SNX29: variants seen among roughly 807,000 people sequenced by gnomAD.
SNX29 encodes the protein sorting nexin 29.
A neutral mutation model predicts 102.1 loss-of-function variants in SNX29; 78 were observed. The ratio of observed to expected loss-of-function variants is 0.76; its 90% CI spans 0.64 to 0.92. The LOEUF (loss-of-function observed/expected upper bound fraction) is 0.92, where lower values mean the gene tolerates loss of function less well. SNX29 is among the 40% of genes least tolerant of loss of function. SNX29 has a pLI of 0.00. For synonymous variants in SNX29, 580 were observed against 414.5 expected, an observed-to-expected ratio of 1.40 and a Z score of -4.85; for missense variants, 1,280 against 1,061.7, an observed-to-expected ratio of 1.21 and a Z score of -2.86.
chr16:12,471,879 G>T (rs1490283506), intron 18 of SNX29, among the ~76,000 whole-genome samples: 3 of 152,124 alleles, frequency 2.0e-5, no homozygotes, highest in African/African-American at 7.2e-5. Context: ...CCTTTCTCCC[G>T]CCCAAGGTCA....
intron 4 of SNX29, among the ~76,000 whole-genome samples, chr16:12,041,674 A>G (rs1369396035): frequency 2.0e-5 from 3 of 152,014 alleles, no homozygotes; most frequent in Admixed American, 6.6e-5. Flanking sequence ...TGGCCACATC[A>G]TGTCCTCCTC....
chr16:12,112,835 G>A (rs1234087663), intron 11 of SNX29, among the ~76,000 whole-genome samples: 1 of 152,214 alleles, frequency 6.6e-6, no homozygotes, highest in East Asian at 1.9e-4. Context: ...ACAGCTGGAT[G>A]TATAATTGCC....
chr16:12,480,450 C>A (rs1031836971), intron 19 of SNX29, among the ~76,000 whole-genome samples: 3 of 152,200 alleles, frequency 2.0e-5, no homozygotes, highest in African/African-American at 7.2e-5. Context: ...CCCTTAGATT[C>A]CCTGTGATCA....
At chr16:12,052,980 C>T (rs986941528) in intron 8 of SNX29, 2 of 152,470 alleles carry the variant, frequency 1.3e-5, no homozygotes, top group Non-Finnish European at 2.9e-5. Flanking sequence ...CCGTAACTTG[C>T]CTGCACCTGC....
At chr16:12,233,757 C>T (rs1399518485) in intron 14 of SNX29, among the ~76,000 whole-genome samples, 1 of 152,104 alleles carries the variant, frequency 6.6e-6, no homozygotes, top group East Asian at 1.9e-4. Flanking sequence ...TTTTCCTGAG[C>T]AGTCACTCTC....
At chr16:12,562,984 G>A (rs80194485) in intron 20 of SNX29, among the ~76,000 whole-genome samples, 1,539 of 121,630 alleles carry the variant, frequency 0.013, 31 homozygotes, top group African/African-American at 0.046. Context: ...GGGCTGATGC[G>A]TAAGAAAAAC....
chr16:12,280,063 C>T (rs904851903), intron 15 of SNX29, among the ~76,000 whole-genome samples: 2 of 152,098 alleles, frequency 1.3e-5, no homozygotes, highest in Non-Finnish European at 2.9e-5. Flanking sequence ...GTTTGACCCT[C>T]TGATTGATTG....
intron 3 of SNX29, 46 bp from the exon 4 acceptor site, chr16:12,027,274 T>C: frequency 6.2e-7 from 1 of 1,608,860 alleles, no homozygotes; most frequent in Non-Finnish European, 8.5e-7. Context: ...CCCTAGTTGC[T>C]ACTCCCTTTT....
chr16:12,135,988 G>A (rs999946018), intron 13 of SNX29, among the ~76,000 whole-genome samples: 2 of 152,198 alleles, frequency 1.3e-5, no homozygotes, highest in African/African-American at 2.4e-5. Flanking sequence ...ACTTCCCTTC[G>A]TGTATGTCAC....
chr16:12,038,204 C>G (rs961267581), intron 4 of SNX29, among the ~76,000 whole-genome samples: 1 of 152,186 alleles, frequency 6.6e-6, no homozygotes, highest in Non-Finnish European at 1.5e-5. Context: ...GTACTGTTCT[C>G]CCCACTGTAC....
Position 12,241,328 on chromosome 16 carries a change from T to C in SNX29, c.1679-36605T>C, listed in dbSNP as rs374810534. Among the ~76,000 whole-genome samples the C allele has an allele frequency of 5.3e-4, 80 of 152,310 alleles. No homozygotes were observed. The South Asian group carries it at 0.016, about 31-fold the overall frequency. ...CAAGAAGCCCTGAAAATCACTGTTTTACGTTAAAAGGGGGTTTATTGATTG... is the reference window on the plus strand; with the variant it reads ...CAAGAAGCCCTGAAAATCACTGTTTCACGTTAAAAGGGGGTTTATTGATTG... On this transcript the variant is annotated intron_variant, in intron 14 of 20. Coordinates refer to ENST00000566228, the MANE Select transcript of SNX29 (RefSeq NM_032167.5).
At chr16:12,114,524 A>G (rs1472654396) in intron 11 of SNX29, among the ~76,000 whole-genome samples, 1 of 151,634 alleles carries the variant, frequency 6.6e-6, no homozygotes, top group African/African-American at 2.4e-5. Flanking sequence ...TATGGGTTCC[A>G]GTGTCAGATG....
intron 18 of SNX29, among the ~76,000 whole-genome samples, chr16:12,442,265 T>A (rs761144050): frequency 3.3e-5 from 5 of 152,208 alleles, no homozygotes; most frequent in Non-Finnish European, 7.3e-5. Flanking sequence ...CTTGACTCTG[T>A]CCCTTGCATC....
chr16:12,234,360 C>T (rs1221270971), intron 14 of SNX29, among the ~76,000 whole-genome samples: 1 of 152,078 alleles, frequency 6.6e-6, no homozygotes, highest in Non-Finnish European at 1.5e-5. Flanking sequence ...ATTTGTAGAT[C>T]TTCAAAGGGT....
At chr16:12,153,821 T>C (rs948547683) in intron 13 of SNX29, among the ~76,000 whole-genome samples, 6 of 152,086 alleles carry the variant, frequency 3.9e-5, no homozygotes, top group African/African-American at 1.2e-4. Flanking sequence ...TGCAGCTTTT[T>C]CCAGAAAGTT....
intron 18 of SNX29, among the ~76,000 whole-genome samples, chr16:12,464,285 A>G (rs753872041): frequency 2.8e-4 from 43 of 151,618 alleles, no homozygotes; most frequent in Non-Finnish European, 4.4e-4. Context: ...ATGTGTGTGT[A>G]TATAAATATA....
At chr16:12,444,848 T>G (rs1215883291) in intron 18 of SNX29, among the ~76,000 whole-genome samples, 2 of 149,844 alleles carry the variant, frequency 1.3e-5, no homozygotes, top group East Asian at 3.9e-4. Flanking sequence ...TTTTGTTTTT[T>G]TTTTTTTTTG....
At chr16:12,559,580 C>T (rs1423670543) in intron 20 of SNX29, among the ~76,000 whole-genome samples, 1 of 151,836 alleles carries the variant, frequency 6.6e-6, no homozygotes, top group East Asian at 1.9e-4. Flanking sequence ...ATAACTCATC[C>T]CTGGTGCCAA....
chr16:12,493,628 CT>C (rs1206347360), intron 19 of SNX29, among the ~76,000 whole-genome samples: 3 of 152,198 alleles, frequency 2.0e-5, no homozygotes, highest in African/African-American at 7.2e-5. Context: ...AGGTCTCACT[CT>C]TGCCCAGGCT....
Sources: allele counts gnomAD v4.1 joint callset (sites outside exome capture counted in the v4.1 genomes callset), GRCh38; gene constraint gnomAD v4.1.1; transcripts MANE v1.5; gene names NCBI Gene and HGNC (gene_info 2026-07-23, HGNC 2026-07-21).